Variants in MSH3 observed in about 807,000 individuals in gnomAD.
The protein encoded by MSH3 is mutS homolog 3.
Under a neutral mutation model 123.3 loss-of-function variants are expected in MSH3, and 106 were observed. That is an observed-to-expected ratio of 0.86 (90% confidence interval 0.73 to 1.01). MSH3 has a LOEUF of 1.01. Ranked by LOEUF, MSH3 falls within the 50% of genes least tolerant of loss-of-function variation. The pLI is 0.00. For synonymous variants in MSH3, 515 were observed against 481.4 expected, an observed-to-expected ratio of 1.07 and a Z score of -0.91; for missense variants, 1,459 against 1,347.6, an observed-to-expected ratio of 1.08 and a Z score of -1.29.
intron 8 of MSH3, among the ~76,000 whole-genome samples, chr5:80,692,553 GAGAT>G (rs1750315727): frequency 1.4e-5 from 1 of 73,760 alleles, no homozygotes; most frequent in South Asian, 4.4e-4. Flanking sequence ...TTTATATAGA[GAGAT>G]AAACATGTAT....
At chr5:80,801,793 T>C (rs544737131) in intron 19 of MSH3, among the ~76,000 whole-genome samples, 3 of 152,304 alleles carry the variant, frequency 2.0e-5, no homozygotes, top group African/African-American at 7.2e-5. Context: ...GAGATCTTAT[T>C]TAATTCAACT....
At chr5:80,672,149 T>C in intron 4 of MSH3, 95 bp from the exon 5 acceptor site, 1 of 912,540 alleles carries the variant, frequency 1.1e-6, no homozygotes, top group South Asian at 1.4e-5. Context: ...AAATCCTAAA[T>C]GTATACCTTG....
chr5:80,870,174 C>CA (rs745491509), intron 22 of MSH3, among the ~76,000 whole-genome samples: 20,284 of 105,772 alleles, frequency 0.19, 2,275 homozygotes, highest in East Asian at 0.37. Context: ...AACTCCGTCT[C>CA]AAAAAAAAAA....
chr5:80,679,978 G>A (rs1171763648), intron 8 of MSH3, among the ~76,000 whole-genome samples: 1 of 151,920 alleles, frequency 6.6e-6, no homozygotes, highest in Non-Finnish European at 1.5e-5. Flanking sequence ...TTAGAAAATC[G>A]AGGCCAGGCA....
chr5:80,685,525 A>T (rs1296538581), intron 8 of MSH3, among the ~76,000 whole-genome samples: 1 of 151,846 alleles, frequency 6.6e-6, no homozygotes, highest in African/African-American at 2.4e-5. Flanking sequence ...CTTCTTTCTC[A>T]TCTCTAATTT....
intron 2 of MSH3, among the ~76,000 whole-genome samples, chr5:80,662,575 A>C (rs376064271): frequency 1.3e-5 from 2 of 152,208 alleles, no homozygotes; most frequent in South Asian, 2.1e-4. Flanking sequence ...GCCTTTAATC[A>C]CAGCACTTTG....
In MSH3 at chr5:80,705,638, T is replaced by C. The variant is rs182273037; in HGVS notation, c.1341-19815T>C. 3.2e-3 allele frequency among the ~76,000 whole-genome samples: 495 copies of C among 152,362 alleles called. 1 individual carries two copies. Among genetic ancestry groups the C allele is most frequent in the Non-Finnish European group, 5.3e-3 (363 of 68,032 alleles). On this transcript the variant is annotated intron_variant, in intron 8 of 23. Coordinates refer to ENST00000265081, the MANE Select transcript of MSH3 (RefSeq NM_002439.5). ...TAAGCAACAGAAATTCATTATTTCA[T>C]AGTTCTGGAGGATAGAAGTAAAAAT...
intron 12 of MSH3, among the ~76,000 whole-genome samples, chr5:80,756,108 AAC>A (rs1224488213): frequency 3.9e-5 from 6 of 152,176 alleles, no homozygotes; most frequent in Admixed American, 2.0e-4. Flanking sequence ...TTAAAAAGGA[AAC>A]ACAGACAATT....
At chr5:80,682,041 T>G (rs1024223854) in intron 8 of MSH3, among the ~76,000 whole-genome samples, 2 of 152,238 alleles carry the variant, frequency 1.3e-5, no homozygotes, top group African/African-American at 4.8e-5. Flanking sequence ...CACTTTTTTT[T>G]GTATCCTTTG....
intron 13 of MSH3, 113 bp from the exon 14 acceptor site, chr5:80,767,820 T>A (rs1455611239): frequency 1.3e-6 from 1 of 761,578 alleles, no homozygotes; most frequent in Non-Finnish European, 2.2e-6. Flanking sequence ...AACTAACTAG[T>A]TAATAGAAAA....
chr5:80,664,865 A>G (rs1164833117), intron 2 of MSH3, among the ~76,000 whole-genome samples: 1 of 151,780 alleles, frequency 6.6e-6, no homozygotes, highest in Non-Finnish European at 1.5e-5. Flanking sequence ...CTCTGTCCTT[A>G]TGGGCTTATG....
In MSH3 at chr5:80,654,889, TGCAGCGGCCGCAGCGGCC is replaced by T. The variant is rs758960105; in HGVS notation, c.169_186del (p.Ala57_Ala62del). Reference sequence around the variant, plus strand: ...AGGTGGACCCTGGCGCTGCAGCGGCTGCAGCGGCCGCAGCGGCCGCAGCGCCCCCAGCGCCCCCAGCTC... The same window carrying T: ...AGGTGGACCCTGGCGCTGCAGCGGCTGCAGCGCCCCCAGCGCCCCCAGCTC... On this transcript the variant is annotated inframe_deletion, in exon 1 of 24. Transcript: ENST00000265081. 20 of 825,120 alleles carry T rather than the reference TGCAGCGGCCGCAGCGGCC, an allele frequency of 2.4e-5. No individual in the cohort carries two copies. Among genetic ancestry groups the T allele is most frequent in the South Asian group, 7.5e-5 (3 of 39,894 alleles). 51.1% of individuals were successfully genotyped at this position (825,120 alleles called of 1,614,324 possible).
At chr5:80,775,287 A>G (rs1213493805) in intron 15 of MSH3, among the ~76,000 whole-genome samples, 1 of 152,194 alleles carries the variant, frequency 6.6e-6, no homozygotes, top group Non-Finnish European at 1.5e-5. Flanking sequence ...GGGGAGGATC[A>G]TATCTCAGAC....
intron 8 of MSH3, among the ~76,000 whole-genome samples, chr5:80,684,717 G>C (rs1016359911): frequency 1.3e-5 from 2 of 152,012 alleles, no homozygotes; most frequent in Non-Finnish European, 2.9e-5. Flanking sequence ...GAATAGCAGT[G>C]GTGGTAGTGG....
At chr5:80,831,773 A>G (rs1745421905) in intron 20 of MSH3, among the ~76,000 whole-genome samples, 2 of 152,210 alleles carry the variant, frequency 1.3e-5, no homozygotes, top group South Asian at 4.2e-4. Flanking sequence ...GTGAATGGGA[A>G]CATCTTCAGT....
At chr5:80,851,569 G>A (rs1745831165) in intron 20 of MSH3, among the ~76,000 whole-genome samples, 1 of 150,534 alleles carries the variant, frequency 6.6e-6, no homozygotes, top group Admixed American at 6.6e-5. Context: ...ATTACTGTAA[G>A]TTTTTTCTCA....
intron 10 of MSH3, among the ~76,000 whole-genome samples, chr5:80,738,246 C>G (rs1394392465): frequency 6.6e-6 from 1 of 152,134 alleles, no homozygotes. Context: ...CCCCTGTATA[C>G]CAGGTAGTGG....
At chr5:80,711,937 A>G (rs577494216) in intron 8 of MSH3, among the ~76,000 whole-genome samples, 1 of 152,256 alleles carries the variant, frequency 6.6e-6, no homozygotes, top group East Asian at 1.9e-4. Context: ...TACAGGTGTG[A>G]GCCACCACGC....
chr5:80,694,593 CT>C (rs957531401), intron 8 of MSH3, among the ~76,000 whole-genome samples: 1 of 151,184 alleles, frequency 6.6e-6, no homozygotes. Flanking sequence ...TCTAAGGTTT[CT>C]TTTTTTTTAT....
Sources: gnomAD v4.1 joint callset for allele counts (sites outside exome capture counted in the v4.1 genomes callset) on GRCh38, gnomAD v4.1.1 for gene constraint, MANE v1.5 for transcripts, NCBI Gene and HGNC (gene_info 2026-07-23, HGNC 2026-07-21) for gene names.